SLC39A11: variants seen among roughly 807,000 people sequenced by gnomAD.
The protein encoded by SLC39A11 is solute carrier family 39 member 11.
Under a neutral mutation model 36.1 loss-of-function variants are expected in SLC39A11, and 33 were observed. The observed-to-expected ratio is 0.91, with a 90% confidence interval of 0.69 to 1.22. SLC39A11 has a LOEUF of 1.22. Ranked by LOEUF, SLC39A11 falls within the 50% of genes most tolerant of loss-of-function variation. The probability of loss-of-function intolerance (pLI) is 0.00; values close to 1 mark genes in which losing one functional copy is unlikely to be tolerated. For missense variants in SLC39A11, 432 were observed against 430.3 expected (o/e 1.00, Z -0.03); for synonymous variants, 166 against 170.3 (o/e 0.97, Z 0.20).
At chr17:73,021,966 C>G (rs186380638) in intron 4 of SLC39A11, among the ~76,000 whole-genome samples, 1 of 152,180 alleles carries the variant, frequency 6.6e-6, no homozygotes, top group East Asian at 1.9e-4. Context: ...CGCGCGTGTT[C>G]GTGCCAGACC....
At position 72,699,899 on chromosome 17, in the gene SLC39A11, G is replaced by C. The variant is rs117033123; in HGVS notation, c.671+36751C>G. On this transcript the variant is annotated intron_variant, in intron 7 of 9. Transcript: ENST00000255559. Reference sequence around the variant, plus strand: ...TGCTACCTACATCCGCCCCTCTGGAGGCCCTTTTCAGCATCTGGGGTTTGG... The same window carrying C: ...TGCTACCTACATCCGCCCCTCTGGACGCCCTTTTCAGCATCTGGGGTTTGG... Among the ~76,000 whole-genome samples, 1,411 of 152,218 alleles carry C rather than the reference G, an allele frequency of 9.3e-3. 17 individuals are homozygous for C. Among genetic ancestry groups the C allele is most frequent in the Admixed American group, 0.025 (387 of 15,300 alleles).
intron 5 of SLC39A11, among the ~76,000 whole-genome samples, chr17:72,932,677 A>G (rs2084491244): frequency 6.6e-6 from 1 of 152,178 alleles, no homozygotes; most frequent in African/African-American, 2.4e-5. Context: ...TCCAGGCTCC[A>G]TGAGCTCTTT....
chr17:72,992,728 A>C (rs1013488173), intron 4 of SLC39A11, among the ~76,000 whole-genome samples: 2 of 152,258 alleles, frequency 1.3e-5, no homozygotes, highest in African/African-American at 2.4e-5. Flanking sequence ...CTTTTAAAAA[A>C]TACTAATGCT....
At chr17:73,068,087 A>C (rs9302952) in intron 3 of SLC39A11, 211,292 of 1,458,076 alleles carry the variant, frequency 0.14, 16,250 homozygotes, top group Non-Finnish European at 0.16. Flanking sequence ...CTTTGTTTTC[A>C]TAATAGGAGT....
intron 6 of SLC39A11, among the ~76,000 whole-genome samples, chr17:72,816,720 T>TTG (rs904705801): frequency 1.2e-4 from 18 of 152,290 alleles, no homozygotes; most frequent in African/African-American, 4.3e-4. Flanking sequence ...CTACGAAATC[T>TTG]GTCATCCCAA....
chr17:72,974,450 T>C (rs1408345486), intron 4 of SLC39A11, among the ~76,000 whole-genome samples: 2 of 126,596 alleles, frequency 1.6e-5, no homozygotes, highest in Non-Finnish European at 3.5e-5. Flanking sequence ...AAAAAAAAAA[T>C]TAAGTAAAAA....
chr17:72,725,023 A>G (rs1430357211), intron 7 of SLC39A11, among the ~76,000 whole-genome samples: 3 of 152,224 alleles, frequency 2.0e-5, no homozygotes, highest in African/African-American at 4.8e-5. Context: ...CAAATTACAT[A>G]GGATGGTGAG....
intron 6 of SLC39A11, among the ~76,000 whole-genome samples, chr17:72,782,318 C>A (rs1480385336): frequency 6.6e-6 from 1 of 152,186 alleles, no homozygotes; most frequent in African/African-American, 2.4e-5. Flanking sequence ...AAGGAACCAA[C>A]CCTGCAGGCA....
intron 4 of SLC39A11, among the ~76,000 whole-genome samples, chr17:72,970,941 G>A (rs539848338): frequency 6.6e-6 from 1 of 152,278 alleles, no homozygotes; most frequent in South Asian, 2.1e-4. Flanking sequence ...CGGCACCTCC[G>A]CTGGGTGTCT....
chr17:73,025,137 A>C (rs1207874168), intron 4 of SLC39A11, among the ~76,000 whole-genome samples: 1 of 152,196 alleles, frequency 6.6e-6, no homozygotes, highest in Non-Finnish European at 1.5e-5. Flanking sequence ...ACTCAGATAA[A>C]TTAAGGCAGG....
chr17:72,833,969 T>G (rs1194226567), intron 6 of SLC39A11, among the ~76,000 whole-genome samples: 5 of 152,226 alleles, frequency 3.3e-5, no homozygotes, highest in African/African-American at 9.6e-5. Context: ...ATTTAAATTA[T>G]TTTATTCACA....
intron 7 of SLC39A11, among the ~76,000 whole-genome samples, chr17:72,699,767 G>A (rs1298058150): frequency 6.6e-6 from 1 of 152,188 alleles, no homozygotes; most frequent in African/African-American, 2.4e-5. Flanking sequence ...GGGACCAGGG[G>A]ACAAAGCCTT....
At chr17:73,086,831 A>C (rs1362719532) in intron 2 of SLC39A11, among the ~76,000 whole-genome samples, 1 of 152,094 alleles carries the variant, frequency 6.6e-6, no homozygotes. Context: ...AAAAAAATAA[A>C]AAATAAATAA....
intron 7 of SLC39A11, among the ~76,000 whole-genome samples, chr17:72,659,901 C>T (rs1416828431): frequency 6.6e-6 from 1 of 152,016 alleles, no homozygotes; most frequent in East Asian, 1.9e-4. Flanking sequence ...ATGGCTGGCC[C>T]TCTGTGATTC....
At chr17:73,038,441 G>A (rs999951609) in intron 3 of SLC39A11, among the ~76,000 whole-genome samples, 8 of 150,592 alleles carry the variant, frequency 5.3e-5, no homozygotes, top group African/African-American at 1.7e-4. Context: ...GCTCACGCCT[G>A]TAATCCTAGC....
chr17:72,783,533 T>C (rs2076395903), intron 6 of SLC39A11, among the ~76,000 whole-genome samples: 1 of 152,242 alleles, frequency 6.6e-6, no homozygotes, highest in Non-Finnish European at 1.5e-5. Context: ...CAGATGAATC[T>C]ACCTCAGCCA....
chr17:72,842,929 C>T (rs2078884438), intron 6 of SLC39A11, among the ~76,000 whole-genome samples: 1 of 152,120 alleles, frequency 6.6e-6, no homozygotes, highest in African/African-American at 2.4e-5. Context: ...TTTTCTTTGT[C>T]CTCTAAAGGG....
chr17:72,827,254 T>C (rs1385003539), intron 6 of SLC39A11, among the ~76,000 whole-genome samples: 1 of 152,230 alleles, frequency 6.6e-6, no homozygotes, highest in Non-Finnish European at 1.5e-5. Context: ...CCACATACTA[T>C]ATGATTTCAT....
chr17:72,807,470 G>T (rs2077296008), intron 6 of SLC39A11, among the ~76,000 whole-genome samples: 1 of 152,136 alleles, frequency 6.6e-6, no homozygotes, highest in South Asian at 2.1e-4. Flanking sequence ...CTTGAGGTAG[G>T]CCCCTAGATA....
Sources: gnomAD v4.1 joint callset for allele counts (sites outside exome capture counted in the v4.1 genomes callset) on GRCh38, gnomAD v4.1.1 for gene constraint, MANE v1.5 for transcripts, NCBI Gene and HGNC (gene_info 2026-07-23, HGNC 2026-07-21) for gene names.